Variants in SACM1L observed in about 807,000 individuals in gnomAD.
SACM1L encodes the protein SAC1 like phosphatidylinositide phosphatase.
A neutral mutation model predicts 89.5 loss-of-function variants in SACM1L; 32 were observed. The ratio of observed to expected loss-of-function variants is 0.36; its 90% confidence interval spans 0.27 to 0.48. SACM1L has a LOEUF of 0.48. Among genes scored for constraint, SACM1L ranks in the 20% least tolerant of loss-of-function variants. The pLI, the probability that SACM1L is intolerant of heterozygous loss-of-function variation, is 0.99. For missense variants in SACM1L, 543 were observed against 708.5 expected (o/e 0.77, Z 2.65); for synonymous variants, 213 against 232.8 (o/e 0.92, Z 0.77).
intron 4 of SACM1L, among the ~76,000 whole-genome samples, chr3:45,708,104 A>T (rs986720732): frequency 4.6e-5 from 7 of 152,134 alleles, no homozygotes; most frequent in Non-Finnish European, 7.4e-5. Context: ...GACAAAAAAA[A>T]TTTTTAAAGG....
At chr3:45,724,944 T>C (rs1258036738) in intron 11 of SACM1L, among the ~76,000 whole-genome samples, 1 of 152,180 alleles carries the variant, frequency 6.6e-6, no homozygotes, top group Non-Finnish European at 1.5e-5. Flanking sequence ...ATAAAAAGAC[T>C]GTTCTTTTCC....
chr3:45,708,969 A>G (rs1298600434), intron 4 of SACM1L, among the ~76,000 whole-genome samples: 2 of 152,238 alleles, frequency 1.3e-5, no homozygotes, highest in African/African-American at 2.4e-5. Flanking sequence ...TCTTTGTTTT[A>G]AAGAAAAAGA....
chr3:45,709,917 A>T (rs1482547684), intron 5 of SACM1L, among the ~76,000 whole-genome samples: 1 of 152,202 alleles, frequency 6.6e-6, no homozygotes, highest in Non-Finnish European at 1.5e-5. Flanking sequence ...ATTAGAGGAA[A>T]ATCTTTCAGA....
At chr3:45,720,681 A>G (rs947427053) in intron 8 of SACM1L, among the ~76,000 whole-genome samples, 3 of 152,152 alleles carry the variant, frequency 2.0e-5, no homozygotes, top group Non-Finnish European at 1.5e-5. Context: ...ACTTTTAAAA[A>G]TAATTGGATG....
chr3:45,701,392 T>A (rs1377185728), intron 1 of SACM1L, among the ~76,000 whole-genome samples: 1 of 152,206 alleles, frequency 6.6e-6, no homozygotes, highest in Non-Finnish European at 1.5e-5. Context: ...ACCTGCCGCA[T>A]AGCCCCTAGT....
chr3:45,739,255 C>T (rs997065741), intron 18 of SACM1L, among the ~76,000 whole-genome samples: 8 of 152,122 alleles, frequency 5.3e-5, no homozygotes, highest in African/African-American at 1.9e-4. Flanking sequence ...CTGCAAGAGC[C>T]GCTCTGGATT....
intron 5 of SACM1L, among the ~76,000 whole-genome samples, chr3:45,712,720 A>ACCAG (rs1437334035): frequency 6.6e-6 from 1 of 152,144 alleles, no homozygotes; most frequent in African/African-American, 2.4e-5. Flanking sequence ...CAGATAGGAG[A>ACCAG]CAGGACATGT....
chr3:45,725,993 A>C (rs1282001322), intron 11 of SACM1L, among the ~76,000 whole-genome samples: 1 of 151,992 alleles, frequency 6.6e-6, no homozygotes, highest in African/African-American at 2.4e-5. Context: ...CTAATGTGGT[A>C]TGTTATACTG....
intron 7 of SACM1L, among the ~76,000 whole-genome samples, chr3:45,715,843 GTTTT>G (rs1433575094): frequency 2.1e-4 from 31 of 150,068 alleles, no homozygotes; most frequent in Non-Finnish European, 3.8e-4. Context: ...GGTGTTTTTT[GTTTT>G]TTGTTTTTTT....
At chr3:45,714,888 A>G (rs1166337723) in intron 7 of SACM1L, among the ~76,000 whole-genome samples, 1 of 152,242 alleles carries the variant, frequency 6.6e-6, no homozygotes, top group Admixed American at 6.5e-5. Context: ...TGTGCCACAT[A>G]CTGACATTTC....
intron 1 of SACM1L, among the ~76,000 whole-genome samples, chr3:45,698,591 C>T (rs921657236): frequency 6.6e-5 from 10 of 152,130 alleles, no homozygotes; most frequent in African/African-American, 2.4e-4. Flanking sequence ...GCTCTTGTGC[C>T]CCAGGCTGGA....
At chr3:45,709,422 T>G in intron 4 of SACM1L, 76 bp from the exon 5 acceptor site, 1 of 1,319,576 alleles carries the variant, frequency 7.6e-7, no homozygotes, top group Non-Finnish European at 1.0e-6. Context: ...CTTAACAGGA[T>G]TTAATTTGTA....
At chr3:45,700,295 C>T (rs1415894951) in intron 1 of SACM1L, among the ~76,000 whole-genome samples, 1 of 152,180 alleles carries the variant, frequency 6.6e-6, no homozygotes, top group Non-Finnish European at 1.5e-5. Flanking sequence ...ATTATGGCAA[C>T]TGTCCCCCAA....
intron 11 of SACM1L, among the ~76,000 whole-genome samples, chr3:45,724,233 A>G (rs575563050): frequency 6.6e-6 from 1 of 151,804 alleles, no homozygotes; most frequent in Admixed American, 6.6e-5. Context: ...ACCATTTTGT[A>G]TTCCCACCAA....
intron 7 of SACM1L, among the ~76,000 whole-genome samples, chr3:45,716,290 A>T (rs1364590280): frequency 2.0e-5 from 3 of 152,172 alleles, no homozygotes; most frequent in Admixed American, 2.0e-4. Flanking sequence ...CCTGGAGAAC[A>T]TAGTGAGACC....
chr3:45,742,083 C>A (rs967926092), intron 19 of SACM1L, among the ~76,000 whole-genome samples: 1 of 152,164 alleles, frequency 6.6e-6, no homozygotes, highest in East Asian at 1.9e-4. Context: ...ACTTAAAGAA[C>A]CTCTGGAGAG....
chr3:45,689,398 A>C lies in SACM1L; in HGVS notation c.-68A>C. On this transcript the variant is annotated 5_prime_UTR_variant, in exon 1 of 20. Coordinates refer to ENST00000389061, the MANE Select transcript of SACM1L (RefSeq NM_014016.5). The stretch of plus-strand genomic sequence containing the variant: ...GCCGCTGTGCCAGGGTGACCGGTAG[A>C]GTTGTAGCCGAGGTGGCGGCGCGGG... The C allele has an allele frequency of 6.5e-7, 1 of 1,543,954 alleles. No individual in the cohort carries two copies. The highest frequency in any genetic ancestry group is 2.0e-5 in the Admixed American group (1 of 50,990).
At chr3:45,718,991 A>G (rs2673025) in intron 7 of SACM1L, among the ~76,000 whole-genome samples, 72,968 of 151,928 alleles carry the variant, frequency 0.48, 18,150 homozygotes, top group Middle Eastern at 0.57. Flanking sequence ...CCATTTCTAG[A>G]TAACCTTTGT....
At chr3:45,713,309 A>G (rs1356724430) in intron 6 of SACM1L, 113 bp downstream of exon 6, 7 of 780,666 alleles carry the variant, frequency 9.0e-6, no homozygotes, top group African/African-American at 1.8e-5. Context: ...ATTCTAATTT[A>G]ACTGTTTATA....
Sources: gnomAD v4.1 joint callset for allele counts (sites outside exome capture counted in the v4.1 genomes callset) on GRCh38, gnomAD v4.1.1 for gene constraint, MANE v1.5 for transcripts, NCBI Gene and HGNC (gene_info 2026-07-23, HGNC 2026-07-21) for gene names.